IGF1R: variants seen among roughly 807,000 people sequenced by gnomAD.
The protein encoded by IGF1R is insulin-like growth factor 1 receptor.
In IGF1R, 44 loss-of-function variants were observed where a neutral mutation model predicts 144.6. The observed-to-expected ratio is 0.30, with a 90% CI of 0.24 to 0.39. The LOEUF is 0.39. IGF1R is among the 10% of genes least tolerant of loss of function. IGF1R has a pLI of 1.00. For synonymous variants in IGF1R, 795 were observed against 722.8 expected (o/e 1.10, Z -1.60); for missense variants, 1,355 against 1,833.7 (o/e 0.74, Z 4.77).
At chr15:98,673,299 A>G (rs148875147) in intron 1 of IGF1R, among the ~76,000 whole-genome samples, 57 of 152,356 alleles carry the variant, frequency 3.7e-4, no homozygotes, top group African/African-American at 1.3e-3. Flanking sequence ...TGGAATAGCC[A>G]TCTTCTGGAG....
chr15:98,871,123 G>T (rs1233391880), intron 2 of IGF1R, among the ~76,000 whole-genome samples: 1 of 152,246 alleles, frequency 6.6e-6, no homozygotes, highest in Admixed American at 6.5e-5. Flanking sequence ...CCAGCCCACT[G>T]ATCCAGGAAG....
chr15:98,914,295 T>C (rs937835118), intron 8 of IGF1R, among the ~76,000 whole-genome samples: 1 of 152,248 alleles, frequency 6.6e-6, no homozygotes, highest in African/African-American at 2.4e-5. Context: ...ATTCACTCTA[T>C]AGCACTGATA....
chr15:98,857,772 A>G (rs1281374916), intron 2 of IGF1R, among the ~76,000 whole-genome samples: 1 of 152,224 alleles, frequency 6.6e-6, no homozygotes, highest in East Asian at 1.9e-4. Flanking sequence ...GCTACTGGAC[A>G]TCACAGATCT....
intron 11 of IGF1R, among the ~76,000 whole-genome samples, chr15:98,922,657 CGTGCTGGGAGCAGGGAGCT>C (rs1159957650): frequency 2.0e-5 from 3 of 152,178 alleles, no homozygotes; most frequent in African/African-American, 7.2e-5. Context: ...CTCCATAGAA[CGTGCTGGGAGCAGGGAGCT>C]GTCTGCAGGG....
At position 98,687,009 on chromosome 15, in the gene IGF1R, A is replaced by T. The variant is rs1028672706; in HGVS notation, c.95-20553A>T. Among the ~76,000 whole-genome samples the T allele has an allele frequency of 2.0e-5, 3 of 152,140 alleles. No individual in the cohort carries two copies. In the South Asian group the frequency reaches 6.2e-4, roughly 32 times the overall value. On this transcript the variant is annotated intron_variant, in intron 1 of 20. Coordinates refer to ENST00000650285, the MANE Select transcript of IGF1R (RefSeq NM_000875.5). ...TGGGTATGAATTCACTTAAAAGCTG[A>T]AGGTTTTGAGAGGAGAGGGAGCATG...
intron 15 of IGF1R, 51 bp from the exon 16 acceptor site, chr15:98,934,772 TC>T: frequency 6.6e-7 from 1 of 1,508,792 alleles, no homozygotes; most frequent in Non-Finnish European, 9.2e-7. Context: ...CAAAGCACGT[TC>T]TGTCTAAGGG....
At chr15:98,669,980 A>G (rs2052846756) in intron 1 of IGF1R, among the ~76,000 whole-genome samples, 1 of 152,150 alleles carries the variant, frequency 6.6e-6, no homozygotes, top group Admixed American at 6.5e-5. Flanking sequence ...GAGGAGGCAG[A>G]TGAGGTAGAT....
rs28538522 is a variant in IGF1R at position 98,806,501 on chromosome 15, C to A, written c.641-84824C>A. Among the ~76,000 whole-genome samples the A allele has an allele frequency of 2.9e-4, 43 of 150,190 alleles. No individual in the cohort carries two copies. The South Asian group carries it at 5.1e-3, about 18-fold the overall frequency. On this transcript the variant is annotated intron_variant, in intron 2 of 20. Transcript: ENST00000650285. ...CTATTTCTTGATTAAAAAAAAAAAA[C>A]AAAAAACTGTTGAATAGTAGGAGAC...
chr15:98,811,669 G>A (rs1266787129), intron 2 of IGF1R, among the ~76,000 whole-genome samples: 5 of 152,040 alleles, frequency 3.3e-5, no homozygotes, highest in African/African-American at 9.7e-5. Context: ...GCTGACGCCT[G>A]TAATCCCAGC....
chr15:98,948,922 G>A (rs1336643007), intron 20 of IGF1R, among the ~76,000 whole-genome samples: 3 of 152,200 alleles, frequency 2.0e-5, no homozygotes, highest in East Asian at 1.9e-4. Context: ...CCCATATTCC[G>A]TAATGCTTTC....
intron 2 of IGF1R, among the ~76,000 whole-genome samples, chr15:98,839,487 A>T (rs58749360): frequency 0.037 from 5,586 of 152,292 alleles, 163 homozygotes; most frequent in East Asian, 0.15. Flanking sequence ...TGCCTCGGAC[A>T]CGAAAATATT....
At chr15:98,844,371 A>G (rs764988952) in intron 2 of IGF1R, among the ~76,000 whole-genome samples, 1 of 152,224 alleles carries the variant, frequency 6.6e-6, no homozygotes, top group Non-Finnish European at 1.5e-5. Context: ...GAAAAGGTAT[A>G]TTCTAAGTCC....
At position 98,935,633 on chromosome 15, in the gene IGF1R, T is replaced by C. The variant is rs974481423; in HGVS notation, c.3297+207T>C. On this transcript the variant is annotated intron_variant, in intron 17 of 20. Transcript: ENST00000650285. This position sits in a 1 kb window ranked among gnomAD's most constrained non-coding sequence, Gnocchi z 4.2. ...TGATCTTCGTGAGGGGAACTTCCTG[T>C]TCCTTGGATCCCCTCTGCTAAGCCC... is the stretch of plus-strand genomic sequence containing the variant. Among the ~76,000 whole-genome samples the C allele has an allele frequency of 2.6e-5, 4 of 152,174 alleles. No individual in the cohort carries two copies. The South Asian group carries it at 8.3e-4, about 32-fold the overall frequency.
chr15:98,672,348 T>C (rs2052914426), intron 1 of IGF1R, among the ~76,000 whole-genome samples: 1 of 152,138 alleles, frequency 6.6e-6, no homozygotes, highest in Non-Finnish European at 1.5e-5. Flanking sequence ...GCGGATCACC[T>C]GTGGTCGGGA....
chr15:98,733,079 G>T (rs997931984), intron 2 of IGF1R, among the ~76,000 whole-genome samples: 1 of 152,078 alleles, frequency 6.6e-6, no homozygotes, highest in Non-Finnish European at 1.5e-5. Flanking sequence ...TCTACGTGTG[G>T]GTGAACACCT....
intron 2 of IGF1R, among the ~76,000 whole-genome samples, chr15:98,862,184 T>C (rs2012193836): frequency 6.6e-6 from 1 of 152,234 alleles, no homozygotes; most frequent in Admixed American, 6.5e-5. Flanking sequence ...ATGTATAACA[T>C]GCAGAGAGCA....
rs142834965 is a variant in IGF1R, at chr15:98,841,386, C to T, written c.641-49939C>T. 9.8e-3 allele frequency among the ~76,000 whole-genome samples: 1,495 copies of T among 152,308 alleles called. 26 individuals carry two copies. The highest frequency in any genetic ancestry group is 0.034 in the African/African-American group (1,420 of 41,552). On this transcript the variant is annotated intron_variant, in intron 2 of 20. Coordinates refer to ENST00000650285, the MANE Select transcript of IGF1R (RefSeq NM_000875.5). The stretch of plus-strand genomic sequence containing the variant: ...ATCTCTAAAGTATGGAAAATAATTG[C>T]ATCTGTGTGAAAACTGAGTTACTAT...
chr15:98,919,015 C>T (rs2015373393), intron 10 of IGF1R, among the ~76,000 whole-genome samples: 1 of 152,176 alleles, frequency 6.6e-6, no homozygotes, highest in Non-Finnish European at 1.5e-5. Flanking sequence ...GTTCAGTGCC[C>T]AAGGCCATTT....
chr15:98,736,633 A>G (rs546604813), intron 2 of IGF1R, among the ~76,000 whole-genome samples: 8 of 140,024 alleles, frequency 5.7e-5, no homozygotes, highest in Non-Finnish European at 1.2e-4. Context: ...TTTTTTTGAG[A>G]CAGAGTTTCA....
Sources: gnomAD v4.1 joint callset for allele counts (sites outside exome capture counted in the v4.1 genomes callset) on GRCh38, gnomAD v4.1.1 for gene constraint, Gnocchi (gnomAD v3.1) non-coding constraint, MANE v1.5 for transcripts, NCBI Gene and HGNC (gene_info 2026-07-23, HGNC 2026-07-21) for gene names.